The following SERINC5 variants were observed in gnomAD, a reference collection of about 807,000 sequenced individuals.
The protein encoded by SERINC5 is serine incorporator 5, also known as chromosome 5 open reading frame 12.
Under a neutral mutation model 63.1 loss-of-function variants are expected in SERINC5, and 41 were observed. The ratio of observed to expected loss-of-function variants is 0.65; its 90% CI spans 0.51 to 0.84. The LOEUF is 0.84. Among genes scored for constraint, SERINC5 ranks in the 40% least tolerant of loss-of-function variants. The probability of loss-of-function intolerance (pLI) is 0.00; values close to 1 mark genes in which losing one functional copy is unlikely to be tolerated. For synonymous variants in SERINC5, 222 were observed against 215.2 expected (o/e 1.03, Z -0.28); for missense variants, 523 against 573.0 (o/e 0.91, Z 0.89).
chr5:80,163,559 C>T (rs1747080804), intron 7 of SERINC5, among the ~76,000 whole-genome samples: 1 of 150,436 alleles, frequency 6.6e-6, no homozygotes. Flanking sequence ...TTTTTTTTTA[C>T]CATGAAAAGA....
intron 8 of SERINC5, chr5:80,158,582 C>A (rs766363344): frequency 3.1e-5 from 13 of 424,472 alleles, no homozygotes; most frequent in African/African-American, 2.6e-4. Flanking sequence ...GCTTTATTTA[C>A]CCCAAATAAA....
At position 80,223,415 on chromosome 5, in the gene SERINC5, G is replaced by A. The variant is rs1277816977; in HGVS notation, c.28-20362C>T. On this transcript the variant is annotated intron_variant, in intron 1 of 11. Coordinates refer to ENST00000507668, the MANE Select transcript of SERINC5 (RefSeq NM_001174072.3). ...TTTGTTGTGCTATATTTTTTAATTT[G>A]TATTATTTTTATTGTTTTGTTTTTT... Among the ~76,000 whole-genome samples, 3 of 151,968 alleles carry A rather than the reference G, an allele frequency of 2.0e-5. No individual in the cohort carries two copies. The East Asian group carries it at 5.8e-4, about 29-fold the overall frequency.
intron 2 of SERINC5, among the ~76,000 whole-genome samples, chr5:80,182,550 C>CA (rs1373934611): frequency 4.3e-5 from 6 of 140,766 alleles, no homozygotes; most frequent in South Asian, 5.1e-4. Context: ...GACCGCCCCC[C>CA]CCCCCTCCGC....
chr5:80,174,410 A>G (rs1416543214), intron 5 of SERINC5, among the ~76,000 whole-genome samples: 1 of 149,656 alleles, frequency 6.7e-6, no homozygotes, highest in African/African-American at 2.4e-5. Flanking sequence ...AATAAAAGAA[A>G]AAGAAAACAA....
chr5:80,240,916 G>T (rs192121952), intron 1 of SERINC5, among the ~76,000 whole-genome samples: 1 of 152,014 alleles, frequency 6.6e-6, no homozygotes, highest in Non-Finnish European at 1.5e-5. Flanking sequence ...CAAGTGATCC[G>T]CCCACCTCAG....
downstream of SERINC5, among the ~76,000 whole-genome samples, chr5:80,137,139 C>CAAAAAAAAAAAAAAAAAAAAA (rs869035894): frequency 1.0e-4 from 7 of 67,734 alleles, no homozygotes; most frequent in Admixed American, 1.8e-4. Flanking sequence ...GACCCTGTCT[C>CAAAAAAAAAAAAAAAAAAAAA]AAAAAAAAAA....
At chr5:80,127,816 T>C (rs1744801867) in intron 11 of SERINC5, among the ~76,000 whole-genome samples, 1 of 152,170 alleles carries the variant, frequency 6.6e-6, no homozygotes, top group South Asian at 2.1e-4. Context: ...AATTAAGTTT[T>C]AGACATTTCA....
Position 80,140,461 on chromosome 5 carries a change from T to G in SERINC5, c.*3202A>C. The G allele has an allele frequency of 1.0e-5, 10 of 981,834 alleles. No homozygotes were observed. Among genetic ancestry groups the G allele is most frequent in the Non-Finnish European group, 1.2e-5 (10 of 829,180 alleles). 60.8% of individuals were successfully genotyped at this position (981,834 alleles called of 1,614,324 possible). A position where few individuals can be genotyped will look rare whatever the true frequency, so the allele number is the denominator to read the frequency against. ...TGGAAACAGAACCCCAAAACCCCAA[T>G]AACTCCACCCTCCCCACAACCCACC... On this transcript the variant is annotated 3_prime_UTR_variant, in exon 12 of 12. Coordinates refer to ENST00000507668, the MANE Select transcript of SERINC5 (RefSeq NM_001174072.3).
intron 4 of SERINC5, among the ~76,000 whole-genome samples, chr5:80,176,028 A>C (rs1448392256): frequency 6.6e-6 from 1 of 151,724 alleles, no homozygotes; most frequent in Non-Finnish European, 1.5e-5. Context: ...AAAATACAAA[A>C]ATTAGCCAGG....
At chr5:80,247,944 G>A (rs1358804082) in intron 1 of SERINC5, among the ~76,000 whole-genome samples, 1 of 152,116 alleles carries the variant, frequency 6.6e-6, no homozygotes, top group Non-Finnish European at 1.5e-5. Flanking sequence ...ACCTCCCTGG[G>A]CTCAGGTGAT....
At chr5:80,214,949 GA>G (rs890939847) in intron 1 of SERINC5, among the ~76,000 whole-genome samples, 14 of 149,270 alleles carry the variant, frequency 9.4e-5, no homozygotes, top group Admixed American at 6.6e-4. Context: ...TACCCCGCAA[GA>G]AAAAAAAAAT....
At chr5:80,203,081 T>TA (rs1315451726) in intron 1 of SERINC5, 28 bp from the exon 2 acceptor site, 1 of 1,564,092 alleles carries the variant, frequency 6.4e-7, no homozygotes, top group Non-Finnish European at 8.7e-7. Context: ...GGCATCTGCT[T>TA]AGAGCATGAT....
chr5:80,120,734 G>A (rs1200602784), intron 11 of SERINC5, among the ~76,000 whole-genome samples: 2 of 152,090 alleles, frequency 1.3e-5, no homozygotes, highest in Non-Finnish European at 2.9e-5. Context: ...AGAATCGCTT[G>A]AACCCAGGAG....
At chr5:80,132,107 C>T (rs1428043206) in intron 11 of SERINC5, among the ~76,000 whole-genome samples, 1 of 152,164 alleles carries the variant, frequency 6.6e-6, no homozygotes, top group Non-Finnish European at 1.5e-5. Context: ...AGAGATGAGC[C>T]ATGTTCAACA....
intron 1 of SERINC5, among the ~76,000 whole-genome samples, chr5:80,208,243 G>C (rs567429518): frequency 6.6e-6 from 1 of 151,938 alleles, no homozygotes; most frequent in South Asian, 2.1e-4. Flanking sequence ...TAGGTTCATC[G>C]ATTCTAACAA....
intron 11 of SERINC5, among the ~76,000 whole-genome samples, chr5:80,133,555 A>T: frequency 6.6e-6 from 1 of 152,200 alleles, no homozygotes. Context: ...CTTTCAAGCA[A>T]ATTTTAGAAG....
At chr5:80,214,304 G>C (rs1750566300) in intron 1 of SERINC5, among the ~76,000 whole-genome samples, 1 of 152,114 alleles carries the variant, frequency 6.6e-6, no homozygotes, top group South Asian at 2.1e-4. Context: ...GTAGTAAACA[G>C]AGTTGTAGAA....
intron 1 of SERINC5, among the ~76,000 whole-genome samples, chr5:80,254,082 C>T (rs1189612287): frequency 6.6e-6 from 1 of 152,220 alleles, no homozygotes; most frequent in East Asian, 1.9e-4. Context: ...TGCGTCATCA[C>T]ACCCGGCAAT....
At chr5:80,145,330 A>G (rs1745748744) in intron 11 of SERINC5, among the ~76,000 whole-genome samples, 1 of 151,710 alleles carries the variant, frequency 6.6e-6, no homozygotes. Flanking sequence ...GTGACAAAGC[A>G]AGACTCCAAC....
Sources: gnomAD v4.1 joint callset for allele counts (sites outside exome capture counted in the v4.1 genomes callset) on GRCh38, gnomAD v4.1.1 for gene constraint, MANE v1.5 for transcripts, NCBI Gene and HGNC (gene_info 2026-07-23, HGNC 2026-07-21) for gene names.